TRMT1L: variants seen among roughly 807,000 people sequenced by gnomAD.
TRMT1L encodes tRNA (guanine(27)-N(2))-dimethyltransferase.
Under a neutral mutation model 81.6 loss-of-function variants are expected in TRMT1L, and 28 were observed. The ratio of observed to expected loss-of-function variants is 0.34; its 90% CI spans 0.25 to 0.47. The LOEUF (loss-of-function observed/expected upper bound fraction) is 0.47. Ranked by LOEUF, TRMT1L falls within the 20% of genes least tolerant of loss-of-function variation. The probability of loss-of-function intolerance (pLI) is 1.00; values close to 1 mark genes in which losing one functional copy is unlikely to be tolerated. For synonymous variants in TRMT1L, 301 were observed against 303.2 expected, an observed-to-expected ratio of 0.99 and a Z score of 0.07; for missense variants, 739 against 877.1, an observed-to-expected ratio of 0.84 and a Z score of 1.99.
chr1:185,121,806 G>A (rs1652506052), intron 13 of TRMT1L, among the ~76,000 whole-genome samples: 1 of 151,448 alleles, frequency 6.6e-6, no homozygotes, highest in African/African-American at 2.4e-5. Context: ...TTTCTTTATC[G>A]ATTAAAGGGT....
chr1:185,125,087 C>A lies in TRMT1L; in HGVS notation c.1616G>T (p.Gly539Val). ...TTCAAATAGCATTCTTTTGAGGAATCCAGTATTGAAAAGGGAACTTGACCT... is the reference window on the plus strand; with the variant it reads ...TTCAAATAGCATTCTTTTGAGGAATACAGTATTGAAAAGGGAACTTGACCT... Reference protein sequence around the residue: ...PLWSSSLFNTGFLKRMLFESL... With the variant: ...PLWSSSLFNTVFLKRMLFESL... Residue 539 changes from glycine (G) to valine (V), a missense_variant, in exon 12 of 15, where the codon GGA becomes GTA. Physicochemically the swap from Gly to Val is moderately radical, Grantham distance 109. Around this residue, in one of 4 missense-constraint regions of TRMT1L, gnomAD observed 196 missense variants for 232.6 expected, o/e 0.84. Coordinates refer to ENST00000367506, the MANE Select transcript of TRMT1L (RefSeq NM_030934.5). The A allele has an allele frequency of 6.2e-7, 1 of 1,607,270 alleles. No individual in the cohort carries two copies. The highest frequency in any genetic ancestry group is 8.5e-7 in the Non-Finnish European group (1 of 1,176,320).
chr1:185,152,408 G>A (rs1653382690), intron 1 of TRMT1L, among the ~76,000 whole-genome samples: 1 of 152,206 alleles, frequency 6.6e-6, no homozygotes, highest in Non-Finnish European at 1.5e-5. Flanking sequence ...CCCCACCCTT[G>A]GCTGGAATGT....
Position 185,156,798 on chromosome 1 carries a change from G to A in TRMT1L, c.-86C>T. The A allele has an allele frequency of 1.9e-6, 3 of 1,557,836 alleles. No homozygotes were observed. The highest frequency in any genetic ancestry group is 2.3e-5 in the South Asian group (2 of 85,166). The stretch of plus-strand genomic sequence containing the variant: ...GAGAACTGACGTGAATGCCCACAGG[G>A]CTGGATCCAAGGAGTGGGGAAGCAA... On this transcript the variant is annotated 5_prime_UTR_variant, in exon 1 of 15. Transcript: ENST00000367506.
At chr1:185,142,083 A>C (rs765613537) in intron 7 of TRMT1L, among the ~76,000 whole-genome samples, 3 of 152,222 alleles carry the variant, frequency 2.0e-5, no homozygotes, top group East Asian at 1.9e-4. Context: ...ACAGGAAAAG[A>C]AGGAGTAATA....
intron 10 of TRMT1L, among the ~76,000 whole-genome samples, chr1:185,130,260 A>T (rs1198368569): frequency 6.6e-6 from 1 of 152,256 alleles, no homozygotes; most frequent in African/African-American, 2.4e-5. Flanking sequence ...ATACCAGATG[A>T]GGAGTTAAAA....
At chr1:185,122,485 C>T (rs890579060) in intron 13 of TRMT1L, among the ~76,000 whole-genome samples, 4 of 152,114 alleles carry the variant, frequency 2.6e-5, no homozygotes, top group Non-Finnish European at 5.9e-5. Flanking sequence ...AATCCTTACA[C>T]TATCCTCCCA....
At chr1:185,127,055 CT>C (rs1176813992) in intron 11 of TRMT1L, among the ~76,000 whole-genome samples, 1 of 152,140 alleles carries the variant, frequency 6.6e-6, no homozygotes, top group Non-Finnish European at 1.5e-5. Context: ...AAGTTCTAGC[CT>C]TGGCTGTGGT....
chr1:185,129,793 G>C (rs1318498300), intron 10 of TRMT1L, among the ~76,000 whole-genome samples: 6 of 152,066 alleles, frequency 3.9e-5, no homozygotes, highest in Non-Finnish European at 2.9e-5. Context: ...CTACTTTTCA[G>C]TATTATTTAA....
chr1:185,119,890 C>T lies in TRMT1L; in HGVS notation c.*129G>A, dbSNP rs997960427. 2.9e-5 allele frequency: 34 copies of T among 1,192,634 alleles called. No individual in the cohort carries two copies. The highest frequency in any genetic ancestry group is 3.8e-5 in the Non-Finnish European group (33 of 879,076). 73.9% of individuals were successfully genotyped at this position (1,192,634 alleles called of 1,614,324 possible). ...AGCTAAGTTAGAAACTGCTCAGTTTCTGAATGAAAATGACACTGTTTTTTA... is the reference window on the plus strand; with the variant it reads ...AGCTAAGTTAGAAACTGCTCAGTTTTTGAATGAAAATGACACTGTTTTTTA... On this transcript the variant is annotated 3_prime_UTR_variant, in exon 15 of 15. Coordinates refer to ENST00000367506, the MANE Select transcript of TRMT1L (RefSeq NM_030934.5).
intron 11 of TRMT1L, among the ~76,000 whole-genome samples, chr1:185,126,370 C>T (rs749704366): frequency 1.8e-4 from 28 of 152,154 alleles, no homozygotes; most frequent in Non-Finnish European, 1.9e-4. Flanking sequence ...TCTCAGCCCA[C>T]TGCATGCTCT....
At chr1:185,134,320 T>C (rs1311174295) in intron 10 of TRMT1L, among the ~76,000 whole-genome samples, 1 of 152,104 alleles carries the variant, frequency 6.6e-6, no homozygotes. Flanking sequence ...GCCTCCTGAG[T>C]AGCTGGGATT....
At chr1:185,124,881 G>A in intron 12 of TRMT1L, 63 bp downstream of exon 12, 2 of 1,426,340 alleles carry the variant, frequency 1.4e-6, no homozygotes, top group South Asian at 1.4e-5. Context: ...AAATACAATT[G>A]AAAAAGATAC....
At chr1:185,137,403 A>G (rs1390946236) in intron 10 of TRMT1L, 5 of 689,578 alleles carry the variant, frequency 7.3e-6, no homozygotes, top group South Asian at 1.5e-5. Context: ...TAGAAAGCAT[A>G]TATTGTACAG....
chr1:185,128,850 TCTA>T, intron 10 of TRMT1L, 103 bp from the exon 11 acceptor site: 1 of 994,044 alleles, frequency 1.0e-6, no homozygotes, highest in Non-Finnish European at 1.5e-6. Context: ...ATACTGAGGA[TCTA>T]CTATGTGCCA....
chr1:185,141,429 C>T (rs186049464), intron 7 of TRMT1L, among the ~76,000 whole-genome samples: 11 of 152,172 alleles, frequency 7.2e-5, no homozygotes, highest in Admixed American at 3.9e-4. Flanking sequence ...AGAGGCTGGG[C>T]GCGGTGGCTC....
intron 7 of TRMT1L, among the ~76,000 whole-genome samples, chr1:185,141,491 G>A (rs1653043848): frequency 6.6e-6 from 1 of 152,134 alleles, no homozygotes; most frequent in African/African-American, 2.4e-5. Context: ...ATCACCTGAG[G>A]TCAGGAGTTC....
intron 10 of TRMT1L, among the ~76,000 whole-genome samples, chr1:185,130,154 G>A (rs1652732770): frequency 6.6e-6 from 1 of 152,184 alleles, no homozygotes; most frequent in African/African-American, 2.4e-5. Context: ...TGAGGGCCAA[G>A]GCTATCAATT....
chr1:185,140,586 C>T (rs1653011689), intron 7 of TRMT1L, among the ~76,000 whole-genome samples: 1 of 151,768 alleles, frequency 6.6e-6, no homozygotes, highest in African/African-American at 2.4e-5. Context: ...AGTTGGAATA[C>T]CTCCTGCTGA....
intron 13 of TRMT1L, chr1:185,120,767 G>A (rs775043803): frequency 6.9e-5 from 18 of 260,600 alleles, no homozygotes; most frequent in South Asian, 3.2e-4. Context: ...GAAGCCATCT[G>A]TCAATCTGGG....
Sources: allele counts gnomAD v4.1 joint callset (sites outside exome capture counted in the v4.1 genomes callset), GRCh38; gene constraint gnomAD v4.1.1; regional missense constraint gnomAD v4.1.1; transcripts MANE v1.5; gene names NCBI Gene and HGNC (gene_info 2026-07-23, HGNC 2026-07-21).